Variants in ELMO1 observed in about 807,000 individuals in gnomAD.
The protein encoded by ELMO1 is engulfment and cell motility 1, also known as engulfment and cell motility protein 1.
In ELMO1, 26 loss-of-function variants were observed where a neutral mutation model predicts 98.9. The ratio of observed to expected loss-of-function variants is 0.26; its 90% CI spans 0.19 to 0.36. The LOEUF (loss-of-function observed/expected upper bound fraction) is 0.36. Among genes scored for constraint, ELMO1 ranks in the 10% least tolerant of loss-of-function variants. ELMO1 has a pLI of 1.00. For missense variants in ELMO1, 627 were observed against 935.2 expected (o/e 0.67, Z 4.30); for synonymous variants, 346 against 346.0 (o/e 1.00, Z 0.00).
intron 14 of ELMO1, among the ~76,000 whole-genome samples, chr7:37,109,727 C>T (rs1785142365): frequency 6.6e-6 from 1 of 152,146 alleles, no homozygotes. Context: ...ATTCCAAGTC[C>T]CCCATTCCAG....
At chr7:37,096,526 G>T in intron 15 of ELMO1, 93 bp downstream of exon 15, 2 of 1,040,690 alleles carry the variant, frequency 1.9e-6, no homozygotes, top group South Asian at 1.3e-5. Flanking sequence ...GAAGCTGTCG[G>T]CATCTTGGGA....
intron 1 of ELMO1, among the ~76,000 whole-genome samples, chr7:37,353,906 C>T (rs1344617793): frequency 6.6e-6 from 1 of 152,262 alleles, no homozygotes; most frequent in African/African-American, 2.4e-5. Context: ...CTCTCGCTTT[C>T]ACCCTGTCTT....
At chr7:37,169,402 T>G (rs1789990793) in intron 13 of ELMO1, among the ~76,000 whole-genome samples, 1 of 152,138 alleles carries the variant, frequency 6.6e-6, no homozygotes, top group African/African-American at 2.4e-5. Flanking sequence ...GTACCTCAGA[T>G]GGAAATGCAG....
At chr7:37,180,417 G>T (rs775945865) in intron 13 of ELMO1, among the ~76,000 whole-genome samples, 1 of 152,148 alleles carries the variant, frequency 6.6e-6, no homozygotes, top group African/African-American at 2.4e-5. Flanking sequence ...AATTGAGAGA[G>T]ATGATGCACA....
At chr7:37,035,496 C>A (rs1280782391) in intron 15 of ELMO1, among the ~76,000 whole-genome samples, 1 of 152,216 alleles carries the variant, frequency 6.6e-6, no homozygotes, top group Non-Finnish European at 1.5e-5. Context: ...TGCATAACTG[C>A]AGAAACAGCT....
At chr7:37,021,776 C>G (rs957274555) in intron 15 of ELMO1, among the ~76,000 whole-genome samples, 2 of 151,956 alleles carry the variant, frequency 1.3e-5, no homozygotes, top group African/African-American at 4.8e-5. Context: ...ATAAAGAACT[C>G]AATACATGTC....
chr7:37,253,277 C>T (rs536272800), intron 6 of ELMO1, among the ~76,000 whole-genome samples: 4 of 152,252 alleles, frequency 2.6e-5, no homozygotes, highest in Non-Finnish European at 4.4e-5. Context: ...CACATGCACA[C>T]GTATGTTTAT....
At chr7:37,439,023 T>A (rs1450724800) in intron 1 of ELMO1, among the ~76,000 whole-genome samples, 1 of 152,248 alleles carries the variant, frequency 6.6e-6, no homozygotes, top group Non-Finnish European at 1.5e-5. Context: ...AGGCGGGGGC[T>A]GGACAACCTG....
chr7:37,239,368 T>C (rs1794642998), intron 7 of ELMO1, among the ~76,000 whole-genome samples: 1 of 152,210 alleles, frequency 6.6e-6, no homozygotes, highest in Non-Finnish European at 1.5e-5. Context: ...GGTTTCACCA[T>C]CTTGGCCAGG....
intron 15 of ELMO1, among the ~76,000 whole-genome samples, chr7:37,075,406 C>G (rs918265705): frequency 6.6e-6 from 1 of 151,938 alleles, no homozygotes; most frequent in African/African-American, 2.4e-5. Context: ...CCACCCGCCT[C>G]AGCCTCCCAA....
At chr7:37,414,590 C>G (rs1222641217) in intron 1 of ELMO1, among the ~76,000 whole-genome samples, 1 of 152,204 alleles carries the variant, frequency 6.6e-6, no homozygotes, top group Non-Finnish European at 1.5e-5. Flanking sequence ...GTGGCCAACT[C>G]CAAAGTCCAA....
chr7:36,925,628 T>C (rs573516456), intron 16 of ELMO1, among the ~76,000 whole-genome samples: 1 of 152,340 alleles, frequency 6.6e-6, no homozygotes, highest in Non-Finnish European at 1.5e-5. Flanking sequence ...TGTTTGGTCC[T>C]TTTCTTTTCA....
At chr7:37,213,265 C>T in intron 12 of ELMO1, 70 bp downstream of exon 12, 1 of 1,559,134 alleles carries the variant, frequency 6.4e-7, no homozygotes, top group South Asian at 1.2e-5. Flanking sequence ...TTCAGGGTAC[C>T]TCAAGAAAAG....
chr7:37,033,524 G>T (rs1480429978), intron 15 of ELMO1: 1 of 392,216 alleles, frequency 2.5e-6, no homozygotes, highest in Non-Finnish European at 5.1e-6. Flanking sequence ...AACAGACACT[G>T]GATTATAACT....
intron 7 of ELMO1, among the ~76,000 whole-genome samples, chr7:37,234,290 C>G (rs1794341108): frequency 6.6e-6 from 1 of 152,098 alleles, no homozygotes; most frequent in Admixed American, 6.5e-5. Context: ...ACAAAGTCTC[C>G]TAACATATTT....
intron 4 of ELMO1, among the ~76,000 whole-genome samples, chr7:37,294,512 A>G (rs1035844184): frequency 6.6e-6 from 1 of 152,208 alleles, no homozygotes; most frequent in Non-Finnish European, 1.5e-5. Context: ...TTTGAAAAGC[A>G]GTAAAGTTGA....
At chr7:37,180,595 A>G (rs955629149) in intron 13 of ELMO1, among the ~76,000 whole-genome samples, 1 of 152,170 alleles carries the variant, frequency 6.6e-6, no homozygotes, top group Non-Finnish European at 1.5e-5. Flanking sequence ...AATTTGATGA[A>G]TTTTGAGTCA....
intron 21 of ELMO1, among the ~76,000 whole-genome samples, chr7:36,858,775 G>T (rs1024860996): frequency 7.2e-5 from 11 of 152,156 alleles, no homozygotes; most frequent in African/African-American, 2.4e-4. Flanking sequence ...AATGGATGGA[G>T]GCCAAGGAGT....
chr7:37,369,531 A>T (rs917064101), intron 1 of ELMO1, among the ~76,000 whole-genome samples: 1 of 152,182 alleles, frequency 6.6e-6, no homozygotes, highest in Admixed American at 6.6e-5. Flanking sequence ...TACAATCCAC[A>T]TTAAACAAAA....
Sources: gnomAD v4.1 joint callset for allele counts (sites outside exome capture counted in the v4.1 genomes callset) on GRCh38, gnomAD v4.1.1 for gene constraint, MANE v1.5 for transcripts, NCBI Gene and HGNC (gene_info 2026-07-23, HGNC 2026-07-21) for gene names.